CORO7: variants seen among roughly 807,000 people sequenced by gnomAD.
The protein encoded by CORO7 is coronin 7, also known as coronin-7.
CORO7 carries 107 observed loss-of-function variants against 126.6 expected under a neutral mutation model. The observed-to-expected ratio is 0.85, with a 90% confidence interval of 0.72 to 0.99. The LOEUF is 0.99. Ranked by LOEUF, CORO7 falls within the 50% of genes least tolerant of loss-of-function variation. The pLI is 0.00. For synonymous variants in CORO7, 603 were observed against 536.8 expected (o/e 1.12, Z -1.70); for missense variants, 1,314 against 1,255.8 (o/e 1.05, Z -0.70).
At chr16:4,381,486 G>A in intron 9 of CORO7, 1 of 1,586,258 alleles carries the variant, frequency 6.3e-7, no homozygotes, top group East Asian at 2.3e-5. Flanking sequence ...CTGGTCTGGG[G>A]CTGCAGCAGC....
chr16:4,372,419 G>C (rs1211821798), intron 9 of CORO7, among the ~76,000 whole-genome samples: 2 of 152,232 alleles, frequency 1.3e-5, no homozygotes, highest in African/African-American at 4.8e-5. Context: ...AGGGCTGCCC[G>C]GGGTCCTCTG....
intron 3 of CORO7, 111 bp downstream of exon 3, chr16:4,412,245 G>A: frequency 1.7e-6 from 2 of 1,184,982 alleles, no homozygotes; most frequent in Admixed American, 3.6e-5. Flanking sequence ...CAGGGCGACA[G>A]GAGGGACCTG....
chr16:4,407,490 G>C lies in CORO7; in HGVS notation c.487+11C>G. On this transcript the variant is annotated intron_variant, in intron 5 of 27. Transcript: ENST00000251166. ...GCTGCCCTGGGAAGGGCAGGCCAGG[G>C]TGGCCTGTACCTGTCAGGGGCTGCT... is the stretch of plus-strand genomic sequence containing the variant. 2 of 1,561,342 alleles carry C rather than the reference G, an allele frequency of 1.3e-6. No homozygotes were observed. Among genetic ancestry groups the C allele is most frequent in the Non-Finnish European group, 1.7e-6 (2 of 1,152,682 alleles).
Position 4,362,722 on chromosome 16 carries a change from G to C in CORO7, c.1292C>G (p.Pro431Arg), listed in dbSNP as rs752470773. ...DADASEGFSSPPSSLTSPSTP... is the reference protein window; with the variant it reads ...DADASEGFSSRPSSLTSPSTP... The stretch of plus-strand genomic sequence containing the variant: ...GGAGGGCGAGGTCAGCGAACTGGGA[G>C]GGGAAGAGAAACCCTCCTGGGGAGG... Residue 431 changes from proline to arginine, a missense_variant, in exon 15 of 28, where the codon CCT (proline) becomes CGT (arginine). Pro to Arg is a moderately radical substitution (Grantham distance 103, BLOSUM62 -2). Transcript: ENST00000251166. The surrounding 1 kb of genome is among the most constrained non-coding windows in gnomAD (Gnocchi z 5.3). The C allele has an allele frequency of 2.1e-6, 3 of 1,437,572 alleles. No individual in the cohort carries two copies. In the Admixed American group the frequency reaches 7.8e-5, roughly 37 times the overall value. The allele number at this position is 1,437,572 out of a possible 1,614,324, so 89.1% of individuals were successfully genotyped here.
Position 4,358,450 on chromosome 16 carries a change from C to T in CORO7, c.2374G>A (p.Val792Met), listed in dbSNP as rs771163686. 22 of 1,609,506 alleles carry T rather than the reference C, an allele frequency of 1.4e-5. No individual in the cohort carries two copies. Among genetic ancestry groups the T allele is most frequent in the Admixed American group, 3.4e-5 (2 of 59,548 alleles). The change falls in exon 24 of 28, where the codon GTG (valine) becomes ATG (methionine). Residue 792 changes from valine to methionine, a missense_variant. Transcript: ENST00000251166. ...CACCGCATCAGCTCCACTTCCCGCA[C>T]GTCGCACTCCGTCTTAGGCAGGAGG... Reference protein sequence around the residue: ...LVLLPKTECDVREVELMRCLR... With the variant: ...LVLLPKTECDMREVELMRCLR...
At chr16:4,414,755 A>AGGGCCCCTCAAGTATTCTCC (rs1476316284) in intron 1 of CORO7, among the ~76,000 whole-genome samples, 1 of 152,184 alleles carries the variant, frequency 6.6e-6, no homozygotes, top group African/African-American at 2.4e-5. Context: ...AGCAAGAATT[A>AGGGCCCCTCAAGTATTCTCC]GGGCCCCTCA....
chr16:4,403,727 C>G (rs904679243), intron 6 of CORO7, among the ~76,000 whole-genome samples: 4 of 152,166 alleles, frequency 2.6e-5, no homozygotes, highest in Non-Finnish European at 5.9e-5. Flanking sequence ...AAATAGGGCT[C>G]GGACCCCCAG....
intron 7 of CORO7, among the ~76,000 whole-genome samples, chr16:4,390,853 C>A (rs1024104077): frequency 1.3e-5 from 2 of 152,226 alleles, no homozygotes; most frequent in African/African-American, 4.8e-5. Context: ...AGCTAGGAGG[C>A]AGCAGGGAAG....
chr16:4,395,291 G>A lies in CORO7; in HGVS notation c.613C>T (p.Gln205Ter), dbSNP rs757882813. ...FDPRTKPRASQSTQAHENSRD... is the reference protein window; with the variant it reads ...FDPRTKPRAS ...CCCAGCTTGCCCACACAACTCACCTGAGAGGCCCGCGGCTTTGTTCTGGGG... is the reference window on the plus strand; with the variant it reads ...CCCAGCTTGCCCACACAACTCACCTAAGAGGCCCGCGGCTTTGTTCTGGGG... The change falls in exon 7 of 28, where the codon CAG becomes TAG. Residue 205 changes from glutamine to a stop codon, truncating the protein, a stop_gained and splice_region_variant. Transcript: ENST00000251166. LOFTEE classifies it high-confidence loss of function. 6.2e-7 allele frequency: 1 copy of A among 1,613,972 alleles called. No individual in the cohort carries two copies. Among genetic ancestry groups the A allele is most frequent in the Non-Finnish European group, 8.5e-7 (1 of 1,180,022 alleles).
At chr16:4,395,730 G>T (rs180810664) in intron 6 of CORO7, among the ~76,000 whole-genome samples, 3 of 152,292 alleles carry the variant, frequency 2.0e-5, no homozygotes, top group Admixed American at 2.0e-4. Context: ...ACTCTAGGCT[G>T]TCAGCGCCCC....
chr16:4,384,167 A>G (rs991671982), intron 9 of CORO7, among the ~76,000 whole-genome samples: 1 of 152,186 alleles, frequency 6.6e-6, no homozygotes, highest in Non-Finnish European at 1.5e-5. Flanking sequence ...TGAGCAGGAC[A>G]AGCTGGGGGA....
chr16:4,383,170 C>T (rs546576737), intron 9 of CORO7: 1 of 423,018 alleles, frequency 2.4e-6, no homozygotes, highest in African/African-American at 2.1e-5. Context: ...AGTCCCTGGG[C>T]ACGGCGGGCC....
intron 9 of CORO7, among the ~76,000 whole-genome samples, chr16:4,372,156 G>C (rs2054557561): frequency 6.6e-6 from 1 of 151,890 alleles, no homozygotes; most frequent in African/African-American, 2.4e-5. Flanking sequence ...GGCAGGCCCT[G>C]TACGCTCCCT....
Position 4,355,141 on chromosome 16 carries a change from G to A in CORO7, c.*17C>T. On this transcript the variant is annotated 3_prime_UTR_variant, in exon 28 of 28. Transcript: ENST00000251166. Reference sequence around the variant, plus strand: ...GAAGTGGCAGCACAGGTGAGGTGGAGGTGACGGGGGCGCAGGCTAGTCCTG... The same window carrying A: ...GAAGTGGCAGCACAGGTGAGGTGGAAGTGACGGGGGCGCAGGCTAGTCCTG... 6.7e-7 allele frequency: 1 copy of A among 1,502,074 alleles called. No homozygotes were observed. The allele number at this position is 1,502,074 out of a possible 1,614,324, so 93.0% of individuals were successfully genotyped here.
intron 1 of CORO7, among the ~76,000 whole-genome samples, chr16:4,414,750 G>A (rs2056343767): frequency 6.6e-6 from 1 of 152,194 alleles, no homozygotes; most frequent in African/African-American, 2.4e-5. Context: ...CCAGGAGCAA[G>A]AATTAGGGCC....
intron 7 of CORO7, among the ~76,000 whole-genome samples, chr16:4,391,764 C>T (rs965499945): frequency 1.3e-5 from 2 of 152,222 alleles, no homozygotes; most frequent in African/African-American, 4.8e-5. Context: ...GAGCCGTCTC[C>T]CCAGCTCCTC....
chr16:4,365,546 C>T lies in CORO7; in HGVS notation c.786-1G>A. The T allele has an allele frequency of 6.3e-7, 1 of 1,579,398 alleles. No individual in the cohort carries two copies. The highest frequency in any genetic ancestry group is 8.6e-7 in the Non-Finnish European group (1 of 1,162,880). ...AGGGTCCAGCAGAGGCACGAGACAC[C>T]TGGGGAAGAGAGGGCAAGATGGCGG... On this transcript the variant is annotated splice_acceptor_variant, in intron 9 of 27. Transcript: ENST00000251166. LOFTEE classifies it high-confidence loss of function.
At chr16:4,361,569 G>C in intron 16 of CORO7, 100 bp from the exon 17 acceptor site, 1 of 1,361,896 alleles carries the variant, frequency 7.3e-7, no homozygotes. Flanking sequence ...CCCACCCTCT[G>C]CAGCAGAGGC....
At chr16:4,382,265 C>T (rs1443319352) in intron 9 of CORO7, 10 of 1,608,608 alleles carry the variant, frequency 6.2e-6, no homozygotes, top group Non-Finnish European at 8.5e-6. Context: ...CCACCACGGT[C>T]CCTGACCCTG....
Sources: gnomAD v4.1 joint callset for allele counts (sites outside exome capture counted in the v4.1 genomes callset) on GRCh38, gnomAD v4.1.1 for gene constraint, Gnocchi (gnomAD v3.1) non-coding constraint, MANE v1.5 for transcripts, NCBI Gene and HGNC (gene_info 2026-07-23, HGNC 2026-07-21) for gene names.